GSE1: variants seen among roughly 807,000 people sequenced by gnomAD.
GSE1 encodes the protein Gse1 coiled-coil protein.
GSE1 carries 32 observed loss-of-function variants against 112.6 expected under a neutral mutation model. The ratio of observed to expected loss-of-function variants is 0.28; its 90% CI spans 0.21 to 0.38. The LOEUF is 0.38. GSE1 is among the 10% of genes least tolerant of loss of function. GSE1 has a pLI of 1.00. For synonymous variants in GSE1, 1,115 were observed against 735.6 expected (o/e 1.52, Z -8.35); for missense variants, 2,348 against 1,699.2 (o/e 1.38, Z -6.71).
intron 1 of GSE1, among the ~76,000 whole-genome samples, chr16:85,576,055 C>T (rs1375924657): frequency 2.0e-5 from 3 of 152,164 alleles, no homozygotes; most frequent in Admixed American, 6.5e-5. Flanking sequence ...TTAACACATT[C>T]TGTGCCAGGC....
At chr16:85,438,742 T>G (rs2049309035) in intron 2 of GSE1, among the ~76,000 whole-genome samples, 1 of 152,184 alleles carries the variant, frequency 6.6e-6, no homozygotes, top group Admixed American at 6.5e-5. Flanking sequence ...GAACTTTGTA[T>G]AAAGTAGGTG....
chr16:85,482,213 G>A (rs566637704), intron 2 of GSE1, among the ~76,000 whole-genome samples: 2 of 149,502 alleles, frequency 1.3e-5, no homozygotes, highest in Non-Finnish European at 2.9e-5. Flanking sequence ...ATGGGAGACA[G>A]TGGGTGAGGG....
intron 2 of GSE1, among the ~76,000 whole-genome samples, chr16:85,529,542 T>G (rs995930364): frequency 6.6e-6 from 1 of 152,226 alleles, no homozygotes; most frequent in African/African-American, 2.4e-5. Context: ...TGGGGGCAGC[T>G]GAGCAGCCCC....
At chr16:85,426,055 ATGGAT>A (rs1567477002) in intron 2 of GSE1, among the ~76,000 whole-genome samples, 1 of 127,422 alleles carries the variant, frequency 7.8e-6, no homozygotes, top group East Asian at 2.4e-4. Context: ...GGATGGATGG[ATGGAT>A]GGATGGATGG....
chr16:85,576,973 T>C (rs2046252936), intron 1 of GSE1, among the ~76,000 whole-genome samples: 1 of 152,200 alleles, frequency 6.6e-6, no homozygotes, highest in African/African-American at 2.4e-5. Flanking sequence ...ATGGGGGCTT[T>C]AGGTGACCCT....
chr16:85,341,548 C>A (rs2046624316), intron 1 of GSE1, among the ~76,000 whole-genome samples: 1 of 152,082 alleles, frequency 6.6e-6, no homozygotes, highest in South Asian at 2.1e-4. Flanking sequence ...ATCCCAGCTA[C>A]ACGGGAGGCT....
chr16:85,431,971 G>C (rs922981), intron 2 of GSE1, among the ~76,000 whole-genome samples: 102,182 of 152,150 alleles, frequency 0.67, 35,294 homozygotes, highest in Non-Finnish European at 0.76. Flanking sequence ...CCCAGGCACA[G>C]CACGGCATGG....
At chr16:85,214,243 G>GC (rs1282182153) in intron 1 of GSE1, among the ~76,000 whole-genome samples, 4,038 of 151,924 alleles carry the variant, frequency 0.027, 178 homozygotes, top group African/African-American at 0.094. Flanking sequence ...TGGGGTGAGG[G>GC]CCCCCCCACC....
At chr16:85,372,242 C>G (rs923387080) in intron 2 of GSE1, among the ~76,000 whole-genome samples, 2 of 152,044 alleles carry the variant, frequency 1.3e-5, no homozygotes, top group African/African-American at 4.8e-5. Context: ...CTTGTGAGAT[C>G]AAGGTGGGCA....
At chr16:85,536,647 A>T (rs2044338643) in intron 2 of GSE1, among the ~76,000 whole-genome samples, 1 of 152,350 alleles carries the variant, frequency 6.6e-6, no homozygotes, top group South Asian at 2.1e-4. Flanking sequence ...CGGGCCCTGC[A>T]TGGCAGTGGC....
At chr16:85,198,868 TC>T (rs1433407921) in intron 1 of GSE1, among the ~76,000 whole-genome samples, 1 of 152,028 alleles carries the variant, frequency 6.6e-6, no homozygotes, top group Non-Finnish European at 1.5e-5. Context: ...AGCCTCGACT[TC>T]CTGGGCTCAA....
At chr16:85,652,563 C>CGGT (rs1481374435) in intron 3 of GSE1, among the ~76,000 whole-genome samples, 4 of 152,262 alleles carry the variant, frequency 2.6e-5, no homozygotes, top group South Asian at 4.1e-4. Context: ...GCGGCGGCGG[C>CGGT]GGCTCCTCCA....
At chr16:85,314,215 G>C (rs976796411) in intron 1 of GSE1, among the ~76,000 whole-genome samples, 2 of 152,172 alleles carry the variant, frequency 1.3e-5, no homozygotes, top group African/African-American at 2.4e-5. Flanking sequence ...GAAAGGAAAG[G>C]AGGAGGCAGG....
chr16:85,463,420 G>A (rs2050033680), intron 2 of GSE1, among the ~76,000 whole-genome samples: 1 of 152,224 alleles, frequency 6.6e-6, no homozygotes, highest in Admixed American at 6.5e-5. Context: ...CAGACCCCGT[G>A]TAGGGAAGTG....
chr16:85,281,256 G>A (rs1207500920), intron 1 of GSE1, among the ~76,000 whole-genome samples: 2 of 152,064 alleles, frequency 1.3e-5, no homozygotes, highest in African/African-American at 4.8e-5. Flanking sequence ...GTCCCAATTA[G>A]CTGGGGACAC....
chr16:85,632,145 C>T (rs774436891), intron 1 of GSE1, among the ~76,000 whole-genome samples: 7 of 152,162 alleles, frequency 4.6e-5, no homozygotes, highest in African/African-American at 1.7e-4. Context: ...GGTGCAGGTC[C>T]CCCTCCACCC....
At chr16:85,646,585 G>C (rs1409619654) in intron 2 of GSE1, among the ~76,000 whole-genome samples, 2 of 152,204 alleles carry the variant, frequency 1.3e-5, no homozygotes, top group Non-Finnish European at 2.9e-5. Flanking sequence ...TGTGCCTCTT[G>C]GGGGCGGAGA....
rs148348819 is a variant in GSE1, at chr16:85,340,413, G to A, written c.2284-17050G>A. Among the ~76,000 whole-genome samples, 791 of 152,274 alleles carry A rather than the reference G, an allele frequency of 5.2e-3. 5 individuals are homozygous for A. The highest frequency in any genetic ancestry group is 0.018 in the African/African-American group (729 of 41,550). On this transcript the variant is annotated intron_variant, in intron 1 of 2. Coordinates refer to the GSE1 transcript ENST00000637419. ...CCAGCACTTTGGGAGACCGAGGCAG[G>A]AGGATCACTTGAGGTGAGGAGTTCG... is the stretch of plus-strand genomic sequence containing the variant.
intron 2 of GSE1, among the ~76,000 whole-genome samples, chr16:85,640,443 C>T (rs1190920498): frequency 9.9e-5 from 15 of 152,202 alleles, no homozygotes; most frequent in African/African-American, 2.7e-4. Context: ...TCGAGGCCCG[C>T]GGGGCCCTGT....
Sources: gnomAD v4.1 joint callset for allele counts (sites outside exome capture counted in the v4.1 genomes callset) on GRCh38, gnomAD v4.1.1 for gene constraint, MANE v1.5 for transcripts, NCBI Gene and HGNC (gene_info 2026-07-23, HGNC 2026-07-21) for gene names.